The following ALPK2 variants were observed in gnomAD, a reference collection of about 807,000 sequenced individuals.
ALPK2 encodes the protein alpha-protein kinase 2.
ALPK2 carries 127 observed loss-of-function variants against 163.1 expected under a neutral mutation model. The ratio of observed to expected loss-of-function variants is 0.78; its 90% CI spans 0.67 to 0.90. The LOEUF (loss-of-function observed/expected upper bound fraction) is 0.90, where lower values mean the gene tolerates loss of function less well. Ranked by LOEUF, ALPK2 falls within the 40% of genes least tolerant of loss-of-function variation. The probability of loss-of-function intolerance (pLI) is 0.00; values close to 1 mark genes in which losing one functional copy is unlikely to be tolerated. For synonymous variants in ALPK2, 953 were observed against 959.1 expected, an observed-to-expected ratio of 0.99 and a Z score of 0.12; for missense variants, 2,360 against 2,589.6, an observed-to-expected ratio of 0.91 and a Z score of 1.92.
chr18:58,545,134 G>A (rs1016247677), intron 4 of ALPK2: 2 of 152,018 alleles, frequency 1.3e-5, no homozygotes, highest in South Asian at 4.2e-4. Flanking sequence ...GCAGCAGAAA[G>A]AGAGAAGGAA....
chr18:58,541,448 A>G (rs778865355), intron 4 of ALPK2, among the ~76,000 whole-genome samples: 6 of 152,234 alleles, frequency 3.9e-5, no homozygotes, highest in Non-Finnish European at 7.3e-5. Flanking sequence ...TGGGGATTAC[A>G]TCTCAGTGCA....
intron 5 of ALPK2, 43 bp downstream of exon 5, chr18:58,534,791 C>T (rs779685661): frequency 1.3e-6 from 2 of 1,552,204 alleles, no homozygotes; most frequent in East Asian, 2.2e-5. Flanking sequence ...ACCTGGTCTA[C>T]AAGCCCAAAC....
intron 12 of ALPK2, among the ~76,000 whole-genome samples, chr18:58,484,908 C>CG (rs2051331107): frequency 6.6e-6 from 1 of 152,156 alleles, no homozygotes; most frequent in African/African-American, 2.4e-5. Context: ...GCAACTGATG[C>CG]GGGCTTCCTG....
intron 3 of ALPK2, among the ~76,000 whole-genome samples, chr18:58,599,116 G>A (rs1004349614): frequency 1.6e-4 from 25 of 152,038 alleles, no homozygotes; most frequent in South Asian, 4.2e-4. Flanking sequence ...CCCAAGTCCC[G>A]TCCCCAGGAA....
chr18:58,610,595 T>A (rs2052123169), intron 2 of ALPK2, among the ~76,000 whole-genome samples: 1 of 152,216 alleles, frequency 6.6e-6, no homozygotes, highest in South Asian at 2.1e-4. Flanking sequence ...TCACTTCTTA[T>A]TAGCATCCCT....
At chr18:58,606,206 G>A in intron 3 of ALPK2, among the ~76,000 whole-genome samples, 1 of 152,074 alleles carries the variant, frequency 6.6e-6, no homozygotes, top group Non-Finnish European at 1.5e-5. Context: ...GGCCTCTCAA[G>A]CAACTGGGAC....
At chr18:58,507,866 C>CT (rs1183273924) in intron 10 of ALPK2, among the ~76,000 whole-genome samples, 4 of 152,312 alleles carry the variant, frequency 2.6e-5, no homozygotes, top group South Asian at 4.1e-4. Flanking sequence ...CACCTCCTTA[C>CT]TTGGGGATCA....
chr18:58,501,244 A>T (rs2051429965), intron 11 of ALPK2, among the ~76,000 whole-genome samples: 1 of 152,248 alleles, frequency 6.6e-6, no homozygotes, highest in South Asian at 2.1e-4. Flanking sequence ...AGTGAAACTA[A>T]CTGTGCATGA....
chr18:58,535,088 C>T lies in ALPK2; in HGVS notation c.5099G>A (p.Gly1700Glu), dbSNP rs780319635. 53 of 1,613,946 alleles carry T rather than the reference C, an allele frequency of 3.3e-5. No homozygotes were observed. The highest frequency in any genetic ancestry group is 4.4e-5 in the Non-Finnish European group (52 of 1,180,028). The change falls in exon 5 of 13, where the codon GGG becomes GAG. Residue 1700 changes from glycine to glutamate, a missense_variant. Coordinates refer to ENST00000361673, the MANE Select transcript of ALPK2 (RefSeq NM_052947.4). ...SLEARAGKSP[G>E]TLTAVTGSEE... ...TGACCCCGTCACTGCTGTGAGGGTC[C>T]CTGGCGATTTGCCTGCTCGGGCTTC...
Position 58,611,806 on chromosome 18 carries a change from G to C in ALPK2, c.-9C>G. 1 of 1,520,898 alleles carries C rather than the reference G, an allele frequency of 6.6e-7. No individual in the cohort carries two copies. The highest frequency in any genetic ancestry group is 1.2e-5 in the South Asian group (1 of 82,888). 94.2% of individuals were successfully genotyped at this position (1,520,898 alleles called of 1,614,324 possible). A position where few individuals can be genotyped will look rare whatever the true frequency, so the allele number is the denominator to read the frequency against. ...CCTTCGGAGTCTTTCATCCTTTCATGCCGCACCAAATCTGAAAAAAAAAAA... is the reference window on the plus strand; with the variant it reads ...CCTTCGGAGTCTTTCATCCTTTCATCCCGCACCAAATCTGAAAAAAAAAAA... On this transcript the variant is annotated 5_prime_UTR_variant, in exon 2 of 13. Coordinates refer to ENST00000361673, the MANE Select transcript of ALPK2 (RefSeq NM_052947.4).
Position 58,579,780 on chromosome 18 carries a change from A to G in ALPK2, c.996T>C (p.Cys332=), listed in dbSNP as rs1445834465. ...FSDDDLEYLE[C]SDVMTDYSNA... ...TAGAGTAATCCGTCATAACATCAGA[A>G]CATTCCAGATACTCCAGGTCATCAT... is the stretch of plus-strand genomic sequence containing the variant. Residue 332 remains cysteine, a synonymous_variant, in exon 4 of 13, where the codon TGT becomes TGC. Transcript: ENST00000361673. 1.9e-6 allele frequency: 3 copies of G among 1,614,172 alleles called. No homozygotes were observed. Among genetic ancestry groups the G allele is most frequent in the Non-Finnish European group, 2.5e-6 (3 of 1,180,028 alleles).
chr18:58,609,864 A>G (rs2052118420), intron 2 of ALPK2, among the ~76,000 whole-genome samples: 1 of 152,222 alleles, frequency 6.6e-6, no homozygotes, highest in Non-Finnish European at 1.5e-5. Context: ...CTCTGCTCTG[A>G]AGACTCAAGG....
At chr18:58,512,095 C>T (rs1242143902) in intron 10 of ALPK2, 1 of 152,306 alleles carries the variant, frequency 6.6e-6, no homozygotes, top group East Asian at 1.9e-4. Flanking sequence ...AAGCCACCCT[C>T]TGTCGTGCTT....
chr18:58,560,576 G>A (rs1021341752), intron 4 of ALPK2, among the ~76,000 whole-genome samples: 5 of 152,150 alleles, frequency 3.3e-5, no homozygotes, highest in Admixed American at 6.5e-5. Flanking sequence ...GACCACCTGG[G>A]TCAAAGATAA....
At chr18:58,558,128 T>C (rs1003742716) in intron 4 of ALPK2, among the ~76,000 whole-genome samples, 2 of 152,164 alleles carry the variant, frequency 1.3e-5, no homozygotes, top group African/African-American at 4.8e-5. Context: ...ATATGTGATA[T>C]TGTTAGGGAG....
chr18:58,610,387 GA>G (rs2052122305), intron 2 of ALPK2, among the ~76,000 whole-genome samples: 1 of 149,288 alleles, frequency 6.7e-6, no homozygotes, highest in Admixed American at 6.7e-5. Context: ...ATCCAAAAAA[GA>G]AAAGAGAACC....
At chr18:58,544,503 T>C (rs1434613841) in intron 4 of ALPK2, 1 of 152,218 alleles carries the variant, frequency 6.6e-6, no homozygotes, top group African/African-American at 2.4e-5. Flanking sequence ...AAATAGCTTA[T>C]AATCCAGTTG....
In ALPK2 at chr18:58,503,931, C is replaced by T. The variant is rs1306288272; in HGVS notation, c.6247G>A (p.Gly2083Ser). 4.3e-6 allele frequency: 7 copies of T among 1,611,966 alleles called. No homozygotes were observed. In the South Asian group the frequency reaches 7.7e-5, roughly 18 times the overall value. Residue 2083 changes from glycine (G) to serine (S), a missense_variant and splice_region_variant, in exon 11 of 13, where the codon GGT (glycine) becomes AGT (serine). Transcript: ENST00000361673. ...GCCTGGGCTAAGCTGCTTTCCTCACCTTGCATGTCCGTCACCAGGAGGCAG... is the reference window on the plus strand; with the variant it reads ...GCCTGGGCTAAGCTGCTTTCCTCACTTTGCATGTCCGTCACCAGGAGGCAG... ...SGCLLVTDMQ[G>S]VGMKLTDVGI...
Position 58,535,491 on chromosome 18 carries a change from C to T in ALPK2, c.4696G>A (p.Asp1566Asn). The T allele has an allele frequency of 1.2e-6, 2 of 1,614,200 alleles. No homozygotes were observed. The highest frequency in any genetic ancestry group is 1.1e-5 in the South Asian group (1 of 91,086). ...DTHNSTGQIH[D>N]VPENDIVEPR... ...TCAACTATGTCATTTTCAGGGACGT[C>T]ATGAATTTGGCCTGTGGAGTTGTGC... The change falls in exon 5 of 13, where the codon GAC becomes AAC. Residue 1566 changes from aspartate (D) to asparagine (N), a missense_variant. Transcript: ENST00000361673.
Sources: allele counts gnomAD v4.1 joint callset (sites outside exome capture counted in the v4.1 genomes callset), GRCh38; gene constraint gnomAD v4.1.1; transcripts MANE v1.5; gene names NCBI Gene and HGNC (gene_info 2026-07-23, HGNC 2026-07-21).